TPO: variants seen among roughly 807,000 people sequenced by gnomAD.
TPO encodes the protein thyroid peroxidase.
TPO carries 78 observed loss-of-function variants against 96.9 expected under a neutral mutation model. That is an observed-to-expected ratio of 0.81 (90% CI 0.67 to 0.97). TPO has a LOEUF of 0.97. Among genes scored for constraint, TPO ranks in the 50% least tolerant of loss-of-function variants. The pLI, the probability that TPO is intolerant of heterozygous loss-of-function variation, is 0.00. For missense variants in TPO, 1,252 were observed against 1,274.8 expected (o/e 0.98, Z 0.27); for synonymous variants, 547 against 538.0 (o/e 1.02, Z -0.23).
intron 5 of TPO, among the ~76,000 whole-genome samples, chr2:1,436,790 A>G (rs934158866): frequency 3.3e-5 from 5 of 152,124 alleles, no homozygotes; most frequent in Non-Finnish European, 7.4e-5. Context: ...ACTCCCTGTC[A>G]CCTTAGCTGA....
intron 5 of TPO, among the ~76,000 whole-genome samples, chr2:1,436,597 T>G (rs1277253430): frequency 6.6e-6 from 1 of 152,164 alleles, no homozygotes; most frequent in African/African-American, 2.4e-5. Context: ...AGCCACAACG[T>G]CCCATCCACA....
At chr2:1,489,948 G>T (rs535813358) in intron 10 of TPO, among the ~76,000 whole-genome samples, 1 of 117,246 alleles carries the variant, frequency 8.5e-6, no homozygotes, top group East Asian at 2.5e-4. Context: ...TCACGACAGA[G>T]CAGTGTAAGA....
At chr2:1,507,360 A>G (rs1455947962) in intron 14 of TPO, among the ~76,000 whole-genome samples, 9 of 152,120 alleles carry the variant, frequency 5.9e-5, no homozygotes, top group African/African-American at 2.2e-4. Flanking sequence ...TTGACTTGGC[A>G]ATGTGGGCTC....
intron 8 of TPO, among the ~76,000 whole-genome samples, chr2:1,480,601 C>CACACACACACACACACAT (rs1670463386): frequency 7.0e-6 from 1 of 143,164 alleles, no homozygotes; most frequent in Admixed American, 7.3e-5. Flanking sequence ...CACACACACA[C>CACACACACACACACACAT]ACACGAGCCA....
In TPO at chr2:1,469,385, G is replaced by A. The variant is rs149371770; in HGVS notation, c.820-7701G>A. On this transcript the variant is annotated intron_variant, in intron 7 of 16. Coordinates refer to ENST00000329066, the MANE Select transcript of TPO (RefSeq NM_001206744.2). ...TCTAGCCTGTTGTTCAGATTCTTTC[G>A]CCCCAGGGGGTGTTCCCTGGACGTG... is the stretch of plus-strand genomic sequence containing the variant. 2.2e-3 allele frequency among the ~76,000 whole-genome samples: 332 copies of A among 152,236 alleles called. 1 individual carries two copies. Among genetic ancestry groups the A allele is most frequent in the African/African-American group, 7.8e-3 (322 of 41,540 alleles).
At chr2:1,423,799 G>A (rs1664036859) in intron 3 of TPO, among the ~76,000 whole-genome samples, 1 of 152,054 alleles carries the variant, frequency 6.6e-6, no homozygotes, top group African/African-American at 2.4e-5. Flanking sequence ...ATACCTTACT[G>A]TTCATATTGG....
intron 14 of TPO, among the ~76,000 whole-genome samples, chr2:1,505,141 C>T (rs140793281): frequency 7.1e-4 from 108 of 152,270 alleles, no homozygotes; most frequent in Non-Finnish European, 1.3e-3. Context: ...GGCCAGGACG[C>T]GGCTGCCCGG....
intron 14 of TPO, among the ~76,000 whole-genome samples, chr2:1,508,050 A>G (rs1673668513): frequency 6.6e-6 from 1 of 152,072 alleles, no homozygotes; most frequent in Non-Finnish European, 1.5e-5. Flanking sequence ...TTATTTTGAG[A>G]TACTTCCCAT....
intron 1 of TPO, among the ~76,000 whole-genome samples, chr2:1,405,194 C>G (rs964110545): frequency 2.0e-5 from 3 of 151,470 alleles, no homozygotes; most frequent in African/African-American, 7.3e-5. Context: ...TTCATCCATC[C>G]ATTCATCCAT....
At chr2:1,541,225 C>G (rs1680729484) in intron 16 of TPO, 5 of 1,124,634 alleles carry the variant, frequency 4.4e-6, no homozygotes, top group African/African-American at 1.6e-5. Context: ...GAACAGTGGC[C>G]TCCAGAGGGG....
At chr2:1,526,906 G>A (rs1357061035) in intron 15 of TPO, among the ~76,000 whole-genome samples, 1 of 141,442 alleles carries the variant, frequency 7.1e-6, no homozygotes, top group South Asian at 2.3e-4. Context: ...CCCGGTGTGT[G>A]CAACCTCCCC....
intron 14 of TPO, among the ~76,000 whole-genome samples, chr2:1,507,295 T>C (rs1673573543): frequency 6.6e-6 from 1 of 152,212 alleles, no homozygotes; most frequent in Non-Finnish European, 1.5e-5. Context: ...AGCCTTGTAG[T>C]ATAGTTTGAA....
At position 1,477,209 on chromosome 2, in the gene TPO, C is replaced by T. The variant is rs1190525573; in HGVS notation, c.943C>T (p.Gln315Ter). The T allele has an allele frequency of 6.2e-7, 1 of 1,610,052 alleles. No individual in the cohort carries two copies. The highest frequency in any genetic ancestry group is 1.1e-5 in the South Asian group (1 of 90,060). The change falls in exon 8 of 17, where the codon CAG becomes TAG. Residue 315 changes from glutamine (Q) to a stop codon, truncating the protein, a stop_gained. Transcript: ENST00000329066. LOFTEE classifies it high-confidence loss of function. ...GAACCTGTCCACGGCCAACCCGCGG[C>T]AGCAGATGAACGGGTTGACCTCGTT... is the stretch of plus-strand genomic sequence containing the variant. ...FGNLSTANPR[Q>*]QMNGLTSFLD...
intron 8 of TPO, 87 bp from the exon 9 acceptor site, chr2:1,484,509 A>G: frequency 6.4e-7 from 1 of 1,564,008 alleles, no homozygotes; most frequent in Non-Finnish European, 8.8e-7. Flanking sequence ...TGGGGCTGTC[A>G]AGGAAGATGC....
At chr2:1,396,747 C>G (rs571606534) in intron 1 of TPO, among the ~76,000 whole-genome samples, 1 of 152,162 alleles carries the variant, frequency 6.6e-6, no homozygotes, top group African/African-American at 2.4e-5. Flanking sequence ...TTAACAATCA[C>G]GTCCAGCTGG....
At chr2:1,457,335 C>T (rs2148597708) in intron 7 of TPO, among the ~76,000 whole-genome samples, 1 of 111,200 alleles carries the variant, frequency 9.0e-6, no homozygotes. Flanking sequence ...ATATATATAG[C>T]ATGCATGATA....
intron 2 of TPO, among the ~76,000 whole-genome samples, chr2:1,418,299 A>AGAGAG (rs113469180): frequency 6.8e-6 from 1 of 146,348 alleles, no homozygotes; most frequent in African/African-American, 2.6e-5. Context: ...AAAAAAAAAA[A>AGAGAG]AGAGAGAGAG....
chr2:1,538,302 A>T (rs1680314769), intron 15 of TPO, among the ~76,000 whole-genome samples: 1 of 152,156 alleles, frequency 6.6e-6, no homozygotes, highest in Non-Finnish European at 1.5e-5. Context: ...GATACAAAGG[A>T]AAGCGGGTTG....
intron 8 of TPO, chr2:1,478,224 A>C: frequency 1.0e-6 from 1 of 985,368 alleles, no homozygotes; most frequent in Non-Finnish European, 1.2e-6. Flanking sequence ...CCTTTTATTA[A>C]TTGTGTGATG....
Sources: gnomAD v4.1 joint callset for allele counts (sites outside exome capture counted in the v4.1 genomes callset) on GRCh38, gnomAD v4.1.1 for gene constraint, MANE v1.5 for transcripts, NCBI Gene and HGNC (gene_info 2026-07-23, HGNC 2026-07-21) for gene names.